TUBA1B: variants seen among roughly 807,000 people sequenced by gnomAD.
TUBA1B encodes tubulin alpha 1b.
In TUBA1B, 1 loss-of-function variant was observed where a neutral mutation model predicts 34.4. The observed-to-expected ratio is 0.03, with a 90% CI of 0.01 to 0.14. The LOEUF (loss-of-function observed/expected upper bound fraction) is 0.14. Among genes scored for constraint, TUBA1B ranks in the 10% least tolerant of loss-of-function variants. The pLI, the probability that TUBA1B is intolerant of heterozygous loss-of-function variation, is 1.00. For missense variants in TUBA1B, 54 were observed against 583.6 expected, an observed-to-expected ratio of 0.09 and a Z score of 9.35; for synonymous variants, 197 against 212.5, an observed-to-expected ratio of 0.93 and a Z score of 0.64.
intron 2 of TUBA1B, 49 bp from the exon 3 acceptor site, chr12:49,129,439 G>GC: frequency 6.2e-7 from 1 of 1,613,286 alleles, no homozygotes. Flanking sequence ...GACAAGAGAA[G>GC]CCCCTGGACA....
In TUBA1B at chr12:49,128,219, A is replaced by C. The variant is rs771010427; in HGVS notation, c.1095T>G (p.Gly365=). Residue 365 remains glycine, a synonymous_variant, in exon 4 of 4, where the codon GGT becomes GGG. Coordinates refer to ENST00000336023, the MANE Select transcript of TUBA1B (RefSeq NM_006082.3). This position sits in a 1 kb window ranked among gnomAD's most constrained non-coding sequence, Gnocchi z 8.1. The part of the protein sequence containing the change: ...INYQPPTVVP[G]GDLAKVQRAV... ...CTCTCTGTACCTTGGCCAGGTCTCCACCAGGCACCACAGTGGGAGGCTGGT... is the reference window on the plus strand; with the variant it reads ...CTCTCTGTACCTTGGCCAGGTCTCCCCCAGGCACCACAGTGGGAGGCTGGT... 5.6e-6 allele frequency: 9 copies of C among 1,614,154 alleles called. No homozygotes were observed. Among genetic ancestry groups the C allele is most frequent in the Non-Finnish European group, 7.6e-6 (9 of 1,180,034 alleles).
intron 3 of TUBA1B, 57 bp downstream of exon 3, chr12:49,129,185 C>A: frequency 6.2e-7 from 1 of 1,612,034 alleles, no homozygotes; most frequent in South Asian, 1.1e-5. Flanking sequence ...TCACTCCACC[C>A]AACTTGCACT....
At chr12:49,129,192 C>T in intron 3 of TUBA1B, 50 bp downstream of exon 3, 1 of 1,612,254 alleles carries the variant, frequency 6.2e-7, no homozygotes, top group South Asian at 1.1e-5. Context: ...ACCCAACTTG[C>T]ACTGGAACTA....
In TUBA1B at chr12:49,128,967, T is replaced by G. The variant is rs1941771102; in HGVS notation, c.376-29A>C. ...TAGGGGAATAAAAAAATGTAATATT[T>G]TAATGCCAGGACACATTATCTTAGA... On this transcript the variant is annotated intron_variant, in intron 3 of 3. Transcript: ENST00000336023. This position sits in a 1 kb window ranked among gnomAD's most constrained non-coding sequence, Gnocchi z 8.1. 4.5e-6 allele frequency: 7 copies of G among 1,570,340 alleles called. No homozygotes were observed. Among genetic ancestry groups the G allele is most frequent in the African/African-American group, 1.4e-5 (1 of 72,812 alleles).
Position 49,131,329 on chromosome 12 carries a change from A to G in TUBA1B, c.-29T>C, listed in dbSNP as rs1176605841. 1 of 1,610,120 alleles carries G rather than the reference A, an allele frequency of 6.2e-7. No individual in the cohort carries two copies. Among genetic ancestry groups the G allele is most frequent in the South Asian group, 1.1e-5 (1 of 90,368 alleles). ...GGCTAGGGATTAGGAGGCGAAGGCGACAGGAGCAGACACCGGGTCCCGGTT... is the reference window on the plus strand; with the variant it reads ...GGCTAGGGATTAGGAGGCGAAGGCGGCAGGAGCAGACACCGGGTCCCGGTT... On this transcript the variant is annotated 5_prime_UTR_variant, in exon 1 of 4. Coordinates refer to ENST00000336023, the MANE Select transcript of TUBA1B (RefSeq NM_006082.3).
rs1225598066 is a variant in TUBA1B, at chr12:49,129,386, T to C, written c.231A>G (p.Glu77=). ...FVDLEPTVID[E]VRTGTYRQLF... is the part of the protein sequence containing the mutation. ...GCTGGCGGTAGGTGCCAGTGCGAACTTCATCTGGAGGAGGGAGAGAAGGAC... is the reference window on the plus strand; with the variant it reads ...GCTGGCGGTAGGTGCCAGTGCGAACCTCATCTGGAGGAGGGAGAGAAGGAC... The change falls in exon 3 of 4, where the codon GAA becomes GAG. Residue 77 remains glutamate, a synonymous_variant. Transcript: ENST00000336023. 4 of 1,614,038 alleles carry C rather than the reference T, an allele frequency of 2.5e-6. No individual in the cohort carries two copies. The East Asian group carries it at 6.7e-5, about 27-fold the overall frequency.
At chr12:49,130,666 C>G (rs1360111653) in intron 1 of TUBA1B, 1 of 319,902 alleles carries the variant, frequency 3.1e-6, no homozygotes, top group African/African-American at 2.2e-5. Flanking sequence ...TGTCGTAATA[C>G]ACTGGTGTAG....
At chr12:49,130,060 G>A in intron 1 of TUBA1B, 1 of 1,177,878 alleles carries the variant, frequency 8.5e-7, no homozygotes, top group Non-Finnish European at 1.1e-6. Flanking sequence ...CCTTTTCTAA[G>A]ATGTACTACT....
At chr12:49,129,197 G>A (rs1398088698) in intron 3 of TUBA1B, 45 bp downstream of exon 3, 2 of 1,612,252 alleles carry the variant, frequency 1.2e-6, no homozygotes, top group Non-Finnish European at 1.7e-6. Context: ...ACTTGCACTG[G>A]AACTATCACA....
intron 3 of TUBA1B, 41 bp downstream of exon 3, chr12:49,129,201 T>C: frequency 6.2e-7 from 1 of 1,612,648 alleles, no homozygotes; most frequent in Non-Finnish European, 8.5e-7. Flanking sequence ...GCACTGGAAC[T>C]ATCACACCAC....
rs534556480 is a variant in TUBA1B at position 49,131,393 on chromosome 12, A to T, written c.-93T>A. On this transcript the variant is annotated 5_prime_UTR_variant, in exon 1 of 4. Transcript: ENST00000336023. ...AGCTAAGAGTCGAGGTAAGTAACGC[A>T]CTAGGGCGGGGCCGGCGCTGGAGCC... 2 of 1,495,840 alleles carry T rather than the reference A, an allele frequency of 1.3e-6. No individual in the cohort carries two copies. The highest frequency in any genetic ancestry group is 1.8e-6 in the Non-Finnish European group (2 of 1,090,134). The allele number at this position is 1,495,840 out of a possible 1,614,324, so 92.7% of individuals were successfully genotyped here. A position where few individuals can be genotyped will look rare whatever the true frequency, so the allele number is the denominator to read the frequency against.
At position 49,128,958 on chromosome 12, in the gene TUBA1B, T is replaced by A; in HGVS notation, c.376-20A>T. 6.4e-7 allele frequency: 1 copy of A among 1,573,254 alleles called. No homozygotes were observed. Among genetic ancestry groups the A allele is most frequent in the Non-Finnish European group, 8.6e-7 (1 of 1,163,930 alleles). On this transcript the variant is annotated intron_variant, in intron 3 of 3. Transcript: ENST00000336023. The surrounding 1 kb of genome is among the most constrained non-coding windows in gnomAD (Gnocchi z 8.1). ...GTCAGCCTGTAGGGGAATAAAAAAA[T>A]GTAATATTTTAATGCCAGGACACAT...
At position 49,129,696 on chromosome 12, in the gene TUBA1B, G is replaced by A; in HGVS notation, c.30C>T (p.Gly10=). The change falls in exon 2 of 4, where the codon GGC becomes GGT. Residue 10 remains glycine (G), a synonymous_variant. Transcript: ENST00000336023. ...CATTGCCAATCTGGACACCAGCCTG[G>A]CCAACGTGGATGGAGATGCACTCAC... is the stretch of plus-strand genomic sequence containing the variant. MRECISIHV[G]QAGVQIGNAC... 6.2e-7 allele frequency: 1 copy of A among 1,614,110 alleles called. No homozygotes were observed. Among genetic ancestry groups the A allele is most frequent in the East Asian group, 2.2e-5 (1 of 44,864 alleles).
intron 1 of TUBA1B, 128 bp downstream of exon 1, chr12:49,131,170 G>T: frequency 1.6e-6 from 2 of 1,277,736 alleles, no homozygotes; most frequent in Admixed American, 2.2e-5. Flanking sequence ...CTCTCGCCTC[G>T]TTTTCCGCCC....
Position 49,131,330 on chromosome 12 carries a change from C to A in TUBA1B, c.-30G>T, listed in dbSNP as rs201035996. On this transcript the variant is annotated 5_prime_UTR_variant, in exon 1 of 4. Coordinates refer to ENST00000336023, the MANE Select transcript of TUBA1B (RefSeq NM_006082.3). ...GCTAGGGATTAGGAGGCGAAGGCGA[C>A]AGGAGCAGACACCGGGTCCCGGTTA... is the stretch of plus-strand genomic sequence containing the variant. 409 of 1,610,062 alleles carry A rather than the reference C, an allele frequency of 2.5e-4. No homozygotes were observed. The highest frequency in any genetic ancestry group is 2.4e-4 in the Non-Finnish European group (285 of 1,178,322).
chr12:49,128,825 C>T lies in TUBA1B; in HGVS notation c.489G>A (p.Lys163=). Residue 163 remains lysine, a synonymous_variant, in exon 4 of 4, where the codon AAG becomes AAA. Coordinates refer to ENST00000336023, the MANE Select transcript of TUBA1B (RefSeq NM_006082.3). The surrounding 1 kb of genome is among the most constrained non-coding windows in gnomAD (Gnocchi z 8.1). ...LMERLSVDYG[K]KSKLEFSIYP... ...AAATGGAGAACTCCAGCTTGGACTTCTTGCCATAATCAACTGAGAGACGTT... is the reference window on the plus strand; with the variant it reads ...AAATGGAGAACTCCAGCTTGGACTTTTTGCCATAATCAACTGAGAGACGTT... 1.2e-6 allele frequency: 2 copies of T among 1,613,950 alleles called. No individual in the cohort carries two copies. The highest frequency in any genetic ancestry group is 8.5e-7 in the Non-Finnish European group (1 of 1,180,016).
At chr12:49,131,021 A>G in intron 1 of TUBA1B, 1 of 428,456 alleles carries the variant, frequency 2.3e-6, no homozygotes, top group Non-Finnish European at 4.4e-6. Flanking sequence ...TTACGCGACA[A>G]AAGAGAGCTC....
Position 49,128,952 on chromosome 12 carries a change from A to T in TUBA1B, c.376-14T>A. 1 of 1,576,388 alleles carries T rather than the reference A, an allele frequency of 6.3e-7. No homozygotes were observed. The highest frequency in any genetic ancestry group is 8.6e-7 in the Non-Finnish European group (1 of 1,165,606). On this transcript the variant is annotated splice_polypyrimidine_tract_variant and intron_variant, in intron 3 of 3. Coordinates refer to ENST00000336023, the MANE Select transcript of TUBA1B (RefSeq NM_006082.3). This position sits in a 1 kb window ranked among gnomAD's most constrained non-coding sequence, Gnocchi z 8.1. ...GCACTGGTCAGCCTGTAGGGGAATAAAAAAATGTAATATTTTAATGCCAGG... is the reference window on the plus strand; with the variant it reads ...GCACTGGTCAGCCTGTAGGGGAATATAAAAATGTAATATTTTAATGCCAGG...
At chr12:49,129,778 G>C in intron 1 of TUBA1B, 56 bp from the exon 2 acceptor site, 1 of 1,611,380 alleles carries the variant, frequency 6.2e-7, no homozygotes, top group Non-Finnish European at 8.5e-7. Context: ...TGACTGTCAA[G>C]TGGAACAAAA....
Sources: gnomAD v4.1 joint callset for allele counts on GRCh38, gnomAD v4.1.1 for gene constraint, Gnocchi (gnomAD v3.1) non-coding constraint, MANE v1.5 for transcripts, NCBI Gene and HGNC (gene_info 2026-07-23, HGNC 2026-07-21) for gene names.